The following PTPRD variants were observed in gnomAD, a reference collection of about 807,000 sequenced individuals.
PTPRD encodes the protein receptor-type tyrosine-protein phosphatase delta.
A neutral mutation model predicts 214.5 loss-of-function variants in PTPRD; 34 were observed. The ratio of observed to expected loss-of-function variants is 0.16; its 90% CI spans 0.12 to 0.21. The LOEUF (loss-of-function observed/expected upper bound fraction) is 0.21, where lower values mean the gene tolerates loss of function less well. PTPRD is among the 10% of genes least tolerant of loss of function. The pLI is 1.00. For missense variants in PTPRD, 2,545 were observed against 2,398.7 expected (o/e 1.06, Z -1.27); for synonymous variants, 1,128 against 845.7 (o/e 1.33, Z -5.79).
chr9:8,352,739 A>AAG (rs1308532856), intron 39 of PTPRD, among the ~76,000 whole-genome samples: 1 of 152,224 alleles, frequency 6.6e-6, no homozygotes, highest in African/African-American at 2.4e-5. Flanking sequence ...ATTAGTTTGT[A>AAG]AGGCATATCA....
intron 14 of PTPRD, among the ~76,000 whole-genome samples, chr9:8,600,767 T>C (rs1198219900): frequency 5.3e-5 from 8 of 151,864 alleles, no homozygotes; most frequent in Non-Finnish European, 1.0e-4. Context: ...AATACCCAGG[T>C]AATATACCAC....
At chr9:8,743,692 G>A (rs2092404380) in intron 11 of PTPRD, among the ~76,000 whole-genome samples, 1 of 151,732 alleles carries the variant, frequency 6.6e-6, no homozygotes, top group African/African-American at 2.4e-5. Flanking sequence ...ATCGGCTTAG[G>A]CAAAGACTTC....
intron 4 of PTPRD, among the ~76,000 whole-genome samples, chr9:9,946,972 A>G (rs549774247): frequency 1.3e-5 from 2 of 151,878 alleles, no homozygotes; most frequent in African/African-American, 4.8e-5. Context: ...TAAAATCCTG[A>G]TTTTGGAAGC....
At position 9,997,285 on chromosome 9, in the gene PTPRD, A is replaced by ATT. The variant is rs60029845; in HGVS notation, c.-472+36431_-472+36432dup. On this transcript the variant is annotated intron_variant, in intron 4 of 45. Transcript: ENST00000381196. ...GAATCAGCAAACTTGAAGATAAGCA[A>ATT]TTTTTTTTTTTTTTTTTGAGACAGA... Among the ~76,000 whole-genome samples, 781 of 143,316 alleles carry ATT rather than the reference A, an allele frequency of 5.4e-3. 5 individuals carry two copies. Among genetic ancestry groups the ATT allele is most frequent in the African/African-American group, 0.011 (418 of 38,932 alleles). The allele number at this position is 143,316 out of a possible 152,430, so 94.0% of individuals were successfully genotyped here.
At chr9:9,976,447 C>G (rs955771425) in intron 4 of PTPRD, among the ~76,000 whole-genome samples, 1 of 151,784 alleles carries the variant, frequency 6.6e-6, no homozygotes, top group Non-Finnish European at 1.5e-5. Flanking sequence ...ATTGCAGTGG[C>G]ATGATCTCGG....
At chr9:9,486,149 T>TCAAAAAAAAAAAAAA (rs1254975739) in intron 8 of PTPRD, among the ~76,000 whole-genome samples, 1 of 7,188 alleles carries the variant, frequency 1.4e-4, no homozygotes, top group African/African-American at 6.4e-4. Flanking sequence ...AGACTCTCTC[T>TCAAAAAAAAAAAAAA]CAAAAAAAAA....
intron 3 of PTPRD, among the ~76,000 whole-genome samples, chr9:10,058,572 G>C (rs1472105283): frequency 6.6e-6 from 1 of 151,984 alleles, no homozygotes; most frequent in Non-Finnish European, 1.5e-5. Flanking sequence ...GAATATCATG[G>C]ATCCTGCTAT....
chr9:9,228,795 C>T (rs1314152192), intron 9 of PTPRD, among the ~76,000 whole-genome samples: 1 of 152,028 alleles, frequency 6.6e-6, no homozygotes, highest in Non-Finnish European at 1.5e-5. Context: ...TTTCCTTTTC[C>T]CTTGTCTTGC....
At chr9:9,805,469 G>C (rs1224385307) in intron 5 of PTPRD, among the ~76,000 whole-genome samples, 1 of 152,110 alleles carries the variant, frequency 6.6e-6, no homozygotes, top group Non-Finnish European at 1.5e-5. Flanking sequence ...CTCTGTACCA[G>C]CTCAGTTAAG....
At chr9:10,347,408 T>C (rs13302135) in intron 2 of PTPRD, among the ~76,000 whole-genome samples, 1 of 145,270 alleles carries the variant, frequency 6.9e-6, no homozygotes, top group Non-Finnish European at 1.5e-5. Context: ...TAGCTATTTG[T>C]CTTTTTTTTT....
intron 9 of PTPRD, among the ~76,000 whole-genome samples, chr9:9,301,360 G>A (rs1337544817): frequency 6.6e-6 from 1 of 151,812 alleles, no homozygotes; most frequent in Non-Finnish European, 1.5e-5. Context: ...TTTACCTGTA[G>A]CATTAGGATA....
intron 5 of PTPRD, among the ~76,000 whole-genome samples, chr9:9,887,524 C>T (rs1030745474): frequency 4.6e-5 from 7 of 152,098 alleles, no homozygotes; most frequent in Non-Finnish European, 7.4e-5. Flanking sequence ...TATGGTAAAG[C>T]CCATCATCAA....
chr9:8,980,199 T>C (rs2099302964), intron 11 of PTPRD, among the ~76,000 whole-genome samples: 1 of 151,820 alleles, frequency 6.6e-6, no homozygotes, highest in African/African-American at 2.4e-5. Context: ...TACACAGAGA[T>C]AGAGAGTGAA....
intron 7 of PTPRD, among the ~76,000 whole-genome samples, chr9:9,667,925 T>C (rs2096754314): frequency 6.6e-6 from 1 of 152,080 alleles, no homozygotes; most frequent in Non-Finnish European, 1.5e-5. Context: ...AATGGAACAA[T>C]TACAGATATT....
chr9:10,356,446 G>C (rs891943736), intron 2 of PTPRD, among the ~76,000 whole-genome samples: 1 of 152,064 alleles, frequency 6.6e-6, no homozygotes, highest in South Asian at 2.1e-4. Context: ...TTGTTCTGTA[G>C]GGTTGTATAC....
At chr9:9,844,304 A>G (rs1447974512) in intron 5 of PTPRD, among the ~76,000 whole-genome samples, 1 of 152,012 alleles carries the variant, frequency 6.6e-6, no homozygotes, top group Non-Finnish European at 1.5e-5. Flanking sequence ...ACATTAGATC[A>G]TAATGCCACT....
At chr9:8,320,009 C>T (rs2130730696) in intron 44 of PTPRD, 43 bp from the exon 45 acceptor site, 1 of 1,597,678 alleles carries the variant, frequency 6.3e-7, no homozygotes, top group Non-Finnish European at 8.5e-7. Context: ...GAGATGTTCA[C>T]AGTCTTGGCC....
At chr9:9,008,817 C>A (rs2099494583) in intron 11 of PTPRD, among the ~76,000 whole-genome samples, 1 of 152,024 alleles carries the variant, frequency 6.6e-6, no homozygotes, top group South Asian at 2.1e-4. Flanking sequence ...TTTTGAGAAC[C>A]CTTGTAAAAC....
At chr9:10,149,630 C>A (rs2099047028) in intron 3 of PTPRD, among the ~76,000 whole-genome samples, 1 of 152,232 alleles carries the variant, frequency 6.6e-6, no homozygotes, top group African/African-American at 2.4e-5. Flanking sequence ...CCAGGCCATG[C>A]AGCCAGAATG....
Sources: gnomAD v4.1 joint callset for allele counts (sites outside exome capture counted in the v4.1 genomes callset) on GRCh38, gnomAD v4.1.1 for gene constraint, MANE v1.5 for transcripts, NCBI Gene and HGNC (gene_info 2026-07-23, HGNC 2026-07-21) for gene names.